Variants in AQP4 observed in about 807,000 individuals in gnomAD.
The protein encoded by AQP4 is aquaporin-4.
A neutral mutation model predicts 27.8 loss-of-function variants in AQP4; 18 were observed. That is an observed-to-expected ratio of 0.65 (90% CI 0.45 to 0.96). The LOEUF (loss-of-function observed/expected upper bound fraction) is 0.96. AQP4 is among the 40% of genes least tolerant of loss of function. The pLI is 0.00. For missense variants in AQP4, 412 were observed against 408.2 expected, an observed-to-expected ratio of 1.01 and a Z score of -0.08; for synonymous variants, 141 against 142.9, an observed-to-expected ratio of 0.99 and a Z score of 0.10.
intron 2 of AQP4, among the ~76,000 whole-genome samples, chr18:26,861,579 C>T (rs977898993): frequency 6.6e-6 from 1 of 152,166 alleles, no homozygotes; most frequent in African/African-American, 2.4e-5. Flanking sequence ...GCCACTGCAG[C>T]ACTTAACTCG....
At position 26,861,193 on chromosome 18, in the gene AQP4, C is replaced by T; in HGVS notation, c.550G>A (p.Asp184Asn). The change falls in exon 3 of 5, where the codon GAT becomes AAT. Residue 184 changes from aspartate to asparagine, a missense_variant. By Grantham distance (23) the Asp-to-Asn change is conservative (BLOSUM62 1). Coordinates refer to ENST00000383168, the MANE Select transcript of AQP4 (RefSeq NM_001650.7). ...IFASCDSKRT[D>N]VTGSIALAIG... ...GCTAAAGCTATTGAGCCAGTGACAT[C>T]AGTCCGTTTGGAATCACAGCTGGCA... The T allele has an allele frequency of 1.2e-6, 2 of 1,614,112 alleles. No homozygotes were observed. The highest frequency in any genetic ancestry group is 1.7e-6 in the Non-Finnish European group (2 of 1,179,986).
chr18:26,862,554 A>G lies in AQP4; in HGVS notation c.75T>C (p.Ala25=). Residue 25 remains alanine (A), a synonymous_variant, in exon 2 of 5, where the codon GCT becomes GCC. Coordinates refer to ENST00000383168, the MANE Select transcript of AQP4 (RefSeq NM_001650.7). ...PLCTRENIMV[A]FKGVWTQAFW... ...AAGCTTGAGTCCAGACCCCTTTGAA[A>G]GCCACCATGATGTTCTCTCTGGTAC... is the stretch of plus-strand genomic sequence containing the variant. 6.2e-7 allele frequency: 1 copy of G among 1,614,152 alleles called. No homozygotes were observed. The highest frequency in any genetic ancestry group is 1.3e-5 in the African/African-American group (1 of 75,052).
Position 26,853,957 on chromosome 18 carries a change from G to A in AQP4, c.*2254C>T, listed in dbSNP as rs1177098115. On this transcript the variant is annotated 3_prime_UTR_variant, in exon 5 of 5. Coordinates refer to ENST00000383168, the MANE Select transcript of AQP4 (RefSeq NM_001650.7). ...AATCATACTTCCTATTAAATATTGAGCAAAATAAAGATTAAAAGAAAATTA... is the reference window on the plus strand; with the variant it reads ...AATCATACTTCCTATTAAATATTGAACAAAATAAAGATTAAAAGAAAATTA... 1.3e-5 allele frequency: 2 copies of A among 151,944 alleles called. No homozygotes were observed. Among genetic ancestry groups the A allele is most frequent in the South Asian group, 2.1e-4 (1 of 4,800 alleles). The allele number at this position is 151,944 out of a possible 1,614,324, so 9.4% of individuals were successfully genotyped here.
At chr18:26,861,830 A>G (rs2054951355) in intron 2 of AQP4, among the ~76,000 whole-genome samples, 1 of 152,168 alleles carries the variant, frequency 6.6e-6, no homozygotes, top group South Asian at 2.1e-4. Context: ...TATGAACATG[A>G]CAAGAAAATA....
intron 1 of AQP4, among the ~76,000 whole-genome samples, chr18:26,865,038 C>CTTTT (rs58002791): frequency 6.8e-6 from 1 of 146,580 alleles, no homozygotes; most frequent in Non-Finnish European, 1.5e-5. Context: ...ATGTTTTTAG[C>CTTTT]TTTTTTTTTT....
At chr18:26,865,563 G>A in intron 1 of AQP4, 95 bp downstream of exon 1, 1 of 1,542,728 alleles carries the variant, frequency 6.5e-7, no homozygotes, top group African/African-American at 1.4e-5. Context: ...CTGCCTTCCA[G>A]ATTCTGCCTA....
chr18:26,858,978 T>A (rs566642519), intron 4 of AQP4, among the ~76,000 whole-genome samples: 1 of 152,344 alleles, frequency 6.6e-6, no homozygotes, highest in South Asian at 2.1e-4. Flanking sequence ...AGTTCTAAAT[T>A]TCATACAACC....
At chr18:26,864,285 A>C (rs80248939) in intron 1 of AQP4, among the ~76,000 whole-genome samples, 4,596 of 152,226 alleles carry the variant, frequency 0.03, 243 homozygotes, top group African/African-American at 0.11. Context: ...AAAAAGGGTG[A>C]GGGGAATTTC....
intron 3 of AQP4, 24 bp downstream of exon 3, chr18:26,861,107 A>G (rs771855969): frequency 6.2e-7 from 1 of 1,613,374 alleles, no homozygotes; most frequent in Non-Finnish European, 8.5e-7. Flanking sequence ...GGGATTGATT[A>G]TTTAAATGGA....
At chr18:26,858,444 T>C (rs1048486571) in intron 4 of AQP4, among the ~76,000 whole-genome samples, 24 of 152,220 alleles carry the variant, frequency 1.6e-4, no homozygotes, top group Non-Finnish European at 4.4e-5. Context: ...TGCATCCTCA[T>C]TGTAAGATTT....
intron 1 of AQP4, 31 bp from the exon 2 acceptor site, chr18:26,862,627 C>T: frequency 6.2e-7 from 1 of 1,613,654 alleles, no homozygotes; most frequent in Non-Finnish European, 8.5e-7. Context: ...GCATCAGAAG[C>T]CACTACACCC....
rs773287416 is a variant in AQP4 at position 26,862,435 on chromosome 18, G to A, written c.194C>T (p.Pro65Leu). ...STINWGGTEK[P>L]LPVDMVLISL... ...GATGAGAACCATGTCGACCGGTAAA[G>A]GCTTTTCTGTTCCACCCCAGTTGAT... Residue 65 changes from proline (P) to leucine (L), a missense_variant, in exon 2 of 5, where the codon CCT becomes CTT. Coordinates refer to ENST00000383168, the MANE Select transcript of AQP4 (RefSeq NM_001650.7). 2.5e-6 allele frequency: 4 copies of A among 1,614,198 alleles called. No individual in the cohort carries two copies. Among genetic ancestry groups the A allele is most frequent in the Non-Finnish European group, 3.4e-6 (4 of 1,180,032 alleles).
At chr18:26,864,578 A>G (rs1051999996) in intron 1 of AQP4, among the ~76,000 whole-genome samples, 2 of 152,236 alleles carry the variant, frequency 1.3e-5, no homozygotes, top group Admixed American at 1.3e-4. Context: ...TGGAGGAGAC[A>G]CTAAAAATAT....
chr18:26,857,745 C>T (rs748539342), intron 4 of AQP4, among the ~76,000 whole-genome samples: 3 of 152,190 alleles, frequency 2.0e-5, no homozygotes, highest in Non-Finnish European at 2.9e-5. Flanking sequence ...ATTTAACAGA[C>T]GCACTTGGGC....
At chr18:26,861,080 G>T (rs2054933186) in intron 3 of AQP4, 51 bp downstream of exon 3, 2 of 1,599,720 alleles carry the variant, frequency 1.3e-6, no homozygotes, top group Non-Finnish European at 1.7e-6. Context: ...GCCAGCTAGA[G>T]TGAGGATAAA....
chr18:26,861,363 A>C, intron 2 of AQP4, 68 bp from the exon 3 acceptor site: 4 of 1,463,702 alleles, frequency 2.7e-6, no homozygotes, highest in South Asian at 1.2e-5. Context: ...TATTAATATC[A>C]TTGTGAAAGG....
intron 4 of AQP4, 84 bp downstream of exon 4, chr18:26,860,688 A>G: frequency 8.3e-7 from 1 of 1,206,986 alleles, no homozygotes; most frequent in South Asian, 1.2e-5. Flanking sequence ...AGAAAGTAGT[A>G]GGCAAAATAA....
intron 4 of AQP4, 50 bp downstream of exon 4, chr18:26,860,722 G>T: frequency 6.8e-7 from 1 of 1,479,576 alleles, no homozygotes; most frequent in Non-Finnish European, 9.5e-7. Context: ...AGCCCCACAG[G>T]TAATTGTCCT....
chr18:26,856,022 A>G lies in AQP4; in HGVS notation c.*189T>C, dbSNP rs762925327. ...AAATATTTCTTTTTTTAGATTTGGA[A>G]TTCACAATAGGTTTCTTCCGTTCCT... On this transcript the variant is annotated 3_prime_UTR_variant, in exon 5 of 5. Transcript: ENST00000383168. 1 of 706,350 alleles carries G rather than the reference A, an allele frequency of 1.4e-6. No homozygotes were observed. The highest frequency in any genetic ancestry group is 1.8e-5 in the African/African-American group (1 of 55,748). 43.8% of individuals were successfully genotyped at this position (706,350 alleles called of 1,614,324 possible). A position where few individuals can be genotyped will look rare whatever the true frequency, so the allele number is the denominator to read the frequency against.
Sources: gnomAD v4.1 joint callset for allele counts (sites outside exome capture counted in the v4.1 genomes callset) on GRCh38, gnomAD v4.1.1 for gene constraint, MANE v1.5 for transcripts, NCBI Gene and HGNC (gene_info 2026-07-23, HGNC 2026-07-21) for gene names.